Variants in CARF observed in about 807,000 individuals in gnomAD.
CARF encodes calcium responsive transcription factor, also known as calcium-responsive transcription factor.
In CARF, 57 loss-of-function variants were observed where a neutral mutation model predicts 82.0. The observed-to-expected ratio is 0.70, with a 90% CI of 0.56 to 0.87. The LOEUF (loss-of-function observed/expected upper bound fraction) is 0.87. CARF is among the 40% of genes least tolerant of loss of function. The pLI, the probability that CARF is intolerant of heterozygous loss-of-function variation, is 0.00. For synonymous variants in CARF, 268 were observed against 290.1 expected, an observed-to-expected ratio of 0.92 and a Z score of 0.77; for missense variants, 771 against 855.8, an observed-to-expected ratio of 0.90 and a Z score of 1.24.
chr2:202,963,588 A>G (rs2059414607), intron 9 of CARF, among the ~76,000 whole-genome samples: 1 of 152,202 alleles, frequency 6.6e-6, no homozygotes, highest in South Asian at 2.1e-4. Flanking sequence ...TTTATTGTGC[A>G]CTTTATTTCT....
At chr2:202,955,571 A>G in intron 7 of CARF, 103 bp from the exon 8 acceptor site, 5 of 691,056 alleles carry the variant, frequency 7.2e-6, no homozygotes, top group Non-Finnish European at 1.2e-5. Context: ...TTTGTTATTG[A>G]TGACTTCAAT....
At chr2:202,934,795 A>G (rs992522515) in intron 3 of CARF, among the ~76,000 whole-genome samples, 1 of 152,030 alleles carries the variant, frequency 6.6e-6, no homozygotes, top group African/African-American at 2.4e-5. Flanking sequence ...ATACAGGAGT[A>G]GGCTGGGCAG....
chr2:202,966,926 C>T (rs2059577476), intron 9 of CARF, 52 bp from the exon 10 acceptor site: 4 of 1,592,414 alleles, frequency 2.5e-6, no homozygotes, highest in Non-Finnish European at 3.4e-6. Flanking sequence ...AATCTAGTGT[C>T]TAGAATAGAT....
In CARF at chr2:202,971,530, C is replaced by G. The variant is rs2059790779; in HGVS notation, c.1123C>G (p.Gln375Glu). The G allele has an allele frequency of 6.2e-7, 1 of 1,612,684 alleles. No homozygotes were observed. The highest frequency in any genetic ancestry group is 1.3e-5 in the African/African-American group (1 of 74,988). The change falls in exon 12 of 17, where the codon CAA becomes GAA. Residue 375 changes from glutamine (Q) to glutamate (E), a missense_variant. Coordinates refer to ENST00000438828, the MANE Select transcript of CARF (RefSeq NM_024744.17). ...GTGGTATGTACAGTTACCTACACAG[C>G]AAGCTCATCAGTATCATGAATTAGA... ...LRWYVQLPTQ[Q>E]AHQYHELETP... is the part of the protein sequence containing the mutation.
chr2:202,928,010 G>T (rs1357351434), intron 3 of CARF, among the ~76,000 whole-genome samples: 1 of 151,978 alleles, frequency 6.6e-6, no homozygotes, highest in African/African-American at 2.4e-5. Context: ...TCACTATGTT[G>T]TCCAGGTTGC....
chr2:202,971,766 C>T, intron 12 of CARF, 28 bp downstream of exon 12: 1 of 1,555,638 alleles, frequency 6.4e-7, no homozygotes, highest in Non-Finnish European at 8.8e-7. Context: ...TGTTCTTTTA[C>T]ATTTTTCAGT....
chr2:202,973,869 C>T (rs866617271), intron 12 of CARF, among the ~76,000 whole-genome samples: 3 of 152,060 alleles, frequency 2.0e-5, no homozygotes, highest in Non-Finnish European at 2.9e-5. Context: ...GGGCGGATCG[C>T]GAGGTTAGGA....
Position 202,970,069 on chromosome 2 carries a change from C to T in CARF, c.1097+7C>T, listed in dbSNP as rs534938708. On this transcript the variant is annotated splice_region_variant and intron_variant, in intron 11 of 16. Coordinates refer to ENST00000438828, the MANE Select transcript of CARF (RefSeq NM_024744.17). ...ATGCTGGTGGTGTTCTTAGGTATGA[C>T]ATTTTTATAGTTCTTTTATTTTACA... 6.0e-5 allele frequency: 93 copies of T among 1,549,388 alleles called. 2 individuals carry two copies. In the Admixed American group the frequency reaches 2.0e-3, roughly 33 times the overall value.
At chr2:202,957,087 A>G (rs1358467366) in intron 8 of CARF, among the ~76,000 whole-genome samples, 1 of 151,978 alleles carries the variant, frequency 6.6e-6, no homozygotes, top group Non-Finnish European at 1.5e-5. Context: ...CCGCGCCCAG[A>G]AGTAGTCACC....
Position 202,986,906 on chromosome 2 carries a change from A to ACATATATATATATATATACG in CARF, c.*3282_*3283insCATATATATATATATATACG, listed in dbSNP as rs2060469872. The ACATATATATATATATATACG allele has an allele frequency of 7.2e-6, 1 of 139,004 alleles. No individual in the cohort carries two copies. Among genetic ancestry groups the ACATATATATATATATATACG allele is most frequent in the African/African-American group, 2.7e-5 (1 of 37,556 alleles). 8.6% of individuals were successfully genotyped at this position (139,004 alleles called of 1,614,324 possible). On this transcript the variant is annotated 3_prime_UTR_variant, in exon 17 of 17. Coordinates refer to ENST00000438828, the MANE Select transcript of CARF (RefSeq NM_024744.17). Reference sequence around the variant, plus strand: ...TATATATATATATATATATATATATATAGCAACTTGATGTATAGTGTCCTT... The same window carrying ACATATATATATATATATACG: ...TATATATATATATATATATATATATACATATATATATATATATACGTAGCAACTTGATGTATAGTGTCCTT...
chr2:202,937,809 G>A (rs1694189915), intron 3 of CARF, among the ~76,000 whole-genome samples: 1 of 151,918 alleles, frequency 6.6e-6, no homozygotes, highest in Non-Finnish European at 1.5e-5. Context: ...ATTTTTAGTA[G>A]AGATGGGGTT....
rs2060462965 is a variant in CARF, at chr2:202,986,891, T to TATATATATAC, written c.*3276_*3277insCATATATATA. On this transcript the variant is annotated 3_prime_UTR_variant, in exon 17 of 17. Transcript: ENST00000438828. ...GCGTATATATATATATATATATATA[T>TATATATATAC]ATATATATATATATATAGCAACTTG... 1 of 82,994 alleles carries TATATATATAC rather than the reference T, an allele frequency of 1.2e-5. No individual in the cohort carries two copies. The highest frequency in any genetic ancestry group is 3.1e-5 in the Non-Finnish European group (1 of 32,416). 5.1% of individuals were successfully genotyped at this position (82,994 alleles called of 1,614,324 possible).
chr2:202,939,685 C>CTTTTTTTTTTT (rs749966536), intron 3 of CARF, among the ~76,000 whole-genome samples: 4 of 104,892 alleles, frequency 3.8e-5, no homozygotes, highest in African/African-American at 6.6e-5. Flanking sequence ...GCCTTTTTTT[C>CTTTTTTTTTTT]TTTTTTTTTT....
At chr2:202,981,164 C>A (rs561987637) in intron 14 of CARF, among the ~76,000 whole-genome samples, 1 of 152,224 alleles carries the variant, frequency 6.6e-6, no homozygotes, top group East Asian at 1.9e-4. Flanking sequence ...TTCCACAGAC[C>A]CAGGGTGGAG....
chr2:202,944,876 T>C (rs1196148771), intron 5 of CARF, among the ~76,000 whole-genome samples: 1 of 151,972 alleles, frequency 6.6e-6, no homozygotes, highest in Non-Finnish European at 1.5e-5. Flanking sequence ...CCGAGCAAAA[T>C]TGTTTATTTG....
rs2060465126 is a variant in CARF at position 202,986,895 on chromosome 2, T to TAC, written c.*3272_*3273insCA. The TAC allele has an allele frequency of 9.3e-6, 1 of 107,538 alleles. No homozygotes were observed. The highest frequency in any genetic ancestry group is 3.0e-5 in the African/African-American group (1 of 33,694). 6.7% of individuals were successfully genotyped at this position (107,538 alleles called of 1,614,324 possible). The stretch of plus-strand genomic sequence containing the variant: ...ATATATATATATATATATATATATA[T>TAC]ATATATATATATAGCAACTTGATGT... On this transcript the variant is annotated 3_prime_UTR_variant, in exon 17 of 17. Coordinates refer to ENST00000438828, the MANE Select transcript of CARF (RefSeq NM_024744.17).
intron 14 of CARF, among the ~76,000 whole-genome samples, chr2:202,980,556 G>C (rs2060205555): frequency 7.3e-6 from 1 of 137,752 alleles, no homozygotes; most frequent in African/African-American, 2.8e-5. Flanking sequence ...GTTTAGTATA[G>C]TCCAGCATTA....
chr2:202,972,065 A>C (rs1446633718), intron 12 of CARF, among the ~76,000 whole-genome samples: 1 of 152,102 alleles, frequency 6.6e-6, no homozygotes, highest in African/African-American at 2.4e-5. Context: ...CCTTTGTAGC[A>C]CCAAAGATTT....
At chr2:202,931,083 C>T (rs555465360) in intron 3 of CARF, among the ~76,000 whole-genome samples, 149 of 149,864 alleles carry the variant, frequency 9.9e-4, no homozygotes, top group African/African-American at 3.6e-3. Context: ...AAGCGATTCT[C>T]CTGCCTCAGC....
Sources: allele counts gnomAD v4.1 joint callset (sites outside exome capture counted in the v4.1 genomes callset), GRCh38; gene constraint gnomAD v4.1.1; transcripts MANE v1.5; gene names NCBI Gene and HGNC (gene_info 2026-07-23, HGNC 2026-07-21).